The following SPTBN1 variants were observed in gnomAD, a reference collection of about 807,000 sequenced individuals.
SPTBN1 encodes the protein spectrin beta chain, non-erythrocytic 1.
A neutral mutation model predicts 266.4 loss-of-function variants in SPTBN1; 32 were observed. That is an observed-to-expected ratio of 0.12 (90% CI 0.09 to 0.16). SPTBN1 has a LOEUF of 0.16. Ranked by LOEUF, SPTBN1 falls within the 10% of genes least tolerant of loss-of-function variation. The probability of loss-of-function intolerance (pLI) is 1.00; values close to 1 mark genes in which losing one functional copy is unlikely to be tolerated. For synonymous variants in SPTBN1, 1,336 were observed against 1,162.2 expected (o/e 1.15, Z -3.04); for missense variants, 2,296 against 3,067.1 (o/e 0.75, Z 5.94).
rs923059970 is a variant in SPTBN1 at position 54,533,873 on chromosome 2, AGATT to A, written c.148+7311_148+7314del. On this transcript the variant is annotated intron_variant, in intron 2 of 35. Transcript: ENST00000356805. This position sits in a 1 kb window ranked among gnomAD's most constrained non-coding sequence, Gnocchi z 4.2. ...GCCTGCTGTAGTAATTTAGGGGGAA[AGATT>A]GATCTCTCTCTCTGTCTCTCTCTCA... Among the ~76,000 whole-genome samples, 10 of 150,842 alleles carry A rather than the reference AGATT, an allele frequency of 6.6e-5. No individual in the cohort carries two copies. Among genetic ancestry groups the A allele is most frequent in the African/African-American group, 2.4e-4 (10 of 40,860 alleles).
intron 2 of SPTBN1, among the ~76,000 whole-genome samples, chr2:54,549,918 A>ATCTGTCTT (rs1261988100): frequency 2.6e-5 from 4 of 152,116 alleles, no homozygotes; most frequent in Non-Finnish European, 2.9e-5. Flanking sequence ...TTTATTGAGG[A>ATCTGTCTT]TCTGTCTTGT....
intron 32 of SPTBN1, chr2:54,662,278 A>C (rs1681099619): frequency 1.0e-6 from 1 of 985,310 alleles, no homozygotes; most frequent in African/African-American, 1.7e-5. Flanking sequence ...CTTAAAGCAC[A>C]TGTCCATTAA....
intron 2 of SPTBN1, among the ~76,000 whole-genome samples, chr2:54,544,304 A>T (rs4671225): frequency 6.6e-6 from 1 of 152,032 alleles, no homozygotes; most frequent in Non-Finnish European, 1.5e-5. Context: ...CTTCCTTCAC[A>T]TAAGTATTTG....
intron 1 of SPTBN1, among the ~76,000 whole-genome samples, chr2:54,464,719 T>G (rs1693538967): frequency 6.6e-6 from 1 of 152,236 alleles, no homozygotes; most frequent in South Asian, 2.1e-4. Flanking sequence ...AGACAGAGTC[T>G]TATTCTGTTG....
Position 54,629,368 on chromosome 2 carries a change from T to C in SPTBN1, c.2234T>C (p.Leu745Pro). 6.2e-7 allele frequency: 1 copy of C among 1,614,120 alleles called. No homozygotes were observed. The highest frequency in any genetic ancestry group is 1.1e-5 in the South Asian group (1 of 91,086). ...AAGAAGCGCCTGGAGGAGGCCTCCC[T>C]GCTGCACCAGTTCCAGGCAGATGCT... is the stretch of plus-strand genomic sequence containing the variant. ...IRKKRLEEAS[L>P]LHQFQADADD... Residue 745 changes from leucine (L) to proline (P), a missense_variant, in exon 14 of 36, where the codon CTG becomes CCG. By Grantham distance (98) the Leu-to-Pro change is moderately conservative. This residue lies in a region of SPTBN1 where 434 missense variants were observed against 573.9 expected (regional missense o/e 0.76). Transcript: ENST00000356805.
At chr2:54,545,529 A>G (rs955489417) in intron 2 of SPTBN1, 28 of 152,366 alleles carry the variant, frequency 1.8e-4, no homozygotes, top group East Asian at 7.7e-4. Context: ...CTACTATTCT[A>G]TTGCTAACCT....
chr2:54,654,881 C>T (rs994362185), intron 27 of SPTBN1, among the ~76,000 whole-genome samples, 189 bp from the exon 28 acceptor site: 2 of 152,224 alleles, frequency 1.3e-5, no homozygotes, highest in Non-Finnish European at 2.9e-5. Flanking sequence ...CTGGCTGGTA[C>T]TGAACTGTGC....
intron 3 of SPTBN1, among the ~76,000 whole-genome samples, chr2:54,599,640 G>A (rs1676344326): frequency 6.6e-6 from 1 of 152,156 alleles, no homozygotes; most frequent in South Asian, 2.1e-4. Flanking sequence ...TAGAAAATCT[G>A]AGCTGCCATC....
At chr2:54,584,729 C>T (rs1169805335) in intron 2 of SPTBN1, among the ~76,000 whole-genome samples, 1 of 152,112 alleles carries the variant, frequency 6.6e-6, no homozygotes, top group African/African-American at 2.4e-5. Flanking sequence ...CAATAAAATG[C>T]CCCTGAAGAA....
rs5831316 is a variant in SPTBN1, at chr2:54,668,788, A to AT, written c.*229dup. ...GTTTGAGGTGCAGAGGGAAGGCCAG[A>AT]TTTTTTTTTTAATGAAATTATATAG... is the stretch of plus-strand genomic sequence containing the variant. On this transcript the variant is annotated 3_prime_UTR_variant, in exon 36 of 36. Transcript: ENST00000356805. The AT allele has an allele frequency of 5.2e-3, 2,197 of 425,766 alleles. 1 individual carries two copies. The highest frequency in any genetic ancestry group is 7.5e-3 in the South Asian group (277 of 36,714). 26.4% of individuals were successfully genotyped at this position (425,766 alleles called of 1,614,324 possible).
At chr2:54,617,481 C>A in intron 5 of SPTBN1, 127 bp from the exon 6 acceptor site, 1 of 720,620 alleles carries the variant, frequency 1.4e-6, no homozygotes, top group Non-Finnish European at 2.3e-6. Context: ...CTTGATTGTC[C>A]TTAGTGATAT....
chr2:54,573,555 G>T (rs964136827), intron 2 of SPTBN1, among the ~76,000 whole-genome samples: 17 of 152,180 alleles, frequency 1.1e-4, no homozygotes, highest in African/African-American at 3.9e-4. Flanking sequence ...GGGGACCCCT[G>T]ACTCGGTGAT....
At position 54,668,819 on chromosome 2, in the gene SPTBN1, A is replaced by C; in HGVS notation, c.*250A>C. On this transcript the variant is annotated 3_prime_UTR_variant, in exon 36 of 36. Transcript: ENST00000356805. ...TTTTTAATGAAATTATATAGATTAG[A>C]TCTCAGTATTTAAACTGTTCCTCAA... 2.2e-6 allele frequency: 1 copy of C among 449,652 alleles called. No homozygotes were observed. Among genetic ancestry groups the C allele is most frequent in the Non-Finnish European group, 4.0e-6 (1 of 248,112 alleles). The allele number at this position is 449,652 out of a possible 1,614,324, so 27.9% of individuals were successfully genotyped here.
intron 1 of SPTBN1, among the ~76,000 whole-genome samples, chr2:54,482,369 A>AC (rs1405373753): frequency 6.6e-6 from 1 of 151,912 alleles, no homozygotes; most frequent in African/African-American, 2.4e-5. Flanking sequence ...AAAAAAAAAA[A>AC]AGAAAAAATT....
chr2:54,658,007 C>A lies in SPTBN1; in HGVS notation c.6204C>A (p.Thr2068=). The A allele has an allele frequency of 6.2e-7, 1 of 1,614,260 alleles. No individual in the cohort carries two copies. The highest frequency in any genetic ancestry group is 1.3e-5 in the African/African-American group (1 of 75,072). The change falls in exon 30 of 36, where the codon ACC becomes ACA. Residue 2068 remains threonine, a synonymous_variant. Coordinates refer to ENST00000356805, the MANE Select transcript of SPTBN1 (RefSeq NM_003128.3). ...RHEAFEKSAA[T]WDERFSALER... ...AGGCATTTGAAAAGTCTGCAGCAAC[C>A]TGGGATGAGAGGTTCTCTGCCCTGG...
chr2:54,469,466 A>G (rs555947600), intron 1 of SPTBN1, among the ~76,000 whole-genome samples: 3 of 152,288 alleles, frequency 2.0e-5, no homozygotes, highest in Non-Finnish European at 4.4e-5. Context: ...TCTCCAACTA[A>G]GGGATTCTTC....
At chr2:54,576,311 C>T (rs550945940) in intron 2 of SPTBN1, among the ~76,000 whole-genome samples, 1 of 152,174 alleles carries the variant, frequency 6.6e-6, no homozygotes, top group Admixed American at 6.5e-5. Flanking sequence ...ACCTCGGCCT[C>T]CCAAAGTGTT....
intron 2 of SPTBN1, among the ~76,000 whole-genome samples, chr2:54,582,201 C>T (rs1674965538): frequency 6.6e-6 from 1 of 152,166 alleles, no homozygotes; most frequent in Admixed American, 6.5e-5. Context: ...TTTCTTGACT[C>T]AGCTTCCAGG....
chr2:54,592,647 C>CAA (rs1403813566), intron 2 of SPTBN1, among the ~76,000 whole-genome samples: 3 of 152,226 alleles, frequency 2.0e-5, no homozygotes, highest in Non-Finnish European at 2.9e-5. Flanking sequence ...CTTGGCCTCC[C>CAA]AAAGTGCTGG....
Sources: allele counts gnomAD v4.1 joint callset (sites outside exome capture counted in the v4.1 genomes callset), GRCh38; gene constraint gnomAD v4.1.1; regional missense constraint gnomAD v4.1.1; non-coding constraint Gnocchi (gnomAD v3.1); transcripts MANE v1.5; gene names NCBI Gene and HGNC (gene_info 2026-07-23, HGNC 2026-07-21).